The following PABPC4L variants were observed in gnomAD, a reference collection of about 807,000 sequenced individuals.
The protein encoded by PABPC4L is poly(A) binding protein cytoplasmic 4 like.
For synonymous variants in PABPC4L, 169 were observed against 164.1 expected, an observed-to-expected ratio of 1.03 and a Z score of -0.23; for missense variants, 452 against 451.4, an observed-to-expected ratio of 1.00 and a Z score of -0.01.
downstream of PABPC4L, among the ~76,000 whole-genome samples, chr4:134,192,695 CACT>C (rs563384035): frequency 6.4e-4 from 98 of 152,088 alleles, no homozygotes; most frequent in African/African-American, 2.3e-3. Flanking sequence ...ACAATAAGTA[CACT>C]ACTACTAAAC....
the PABPC4L span, among the ~76,000 whole-genome samples, chr4:134,053,651 T>C: frequency 6.6e-6 from 1 of 152,092 alleles, no homozygotes; most frequent in Non-Finnish European, 1.5e-5. Flanking sequence ...ACCCTTTTCC[T>C]AAGGATATGA....
the PABPC4L span, among the ~76,000 whole-genome samples, chr4:134,049,047 T>G: frequency 6.6e-6 from 1 of 152,026 alleles, no homozygotes; most frequent in African/African-American, 2.4e-5. Flanking sequence ...TAGAAAAGAT[T>G]GAAGGAAGAA....
At chr4:134,078,264 C>G in the PABPC4L span, among the ~76,000 whole-genome samples, 1 of 152,158 alleles carries the variant, frequency 6.6e-6, no homozygotes, top group South Asian at 2.1e-4. Context: ...ATTCCCTGAA[C>G]TTTTCCATAA....
the PABPC4L span, among the ~76,000 whole-genome samples, chr4:134,127,894 TA>T: frequency 6.6e-6 from 1 of 151,126 alleles, no homozygotes; most frequent in Admixed American, 6.6e-5. Context: ...CTTAAAGAAA[TA>T]AAAAAAGAAG....
At chr4:134,127,788 C>T in the PABPC4L span, among the ~76,000 whole-genome samples, 1 of 152,104 alleles carries the variant, frequency 6.6e-6, no homozygotes, top group Non-Finnish European at 1.5e-5. Flanking sequence ...AGCTATTGAT[C>T]CAAACCAAGA....
the PABPC4L span, among the ~76,000 whole-genome samples, chr4:134,079,103 C>A: frequency 2.0e-5 from 3 of 150,328 alleles, no homozygotes; most frequent in South Asian, 6.3e-4. Flanking sequence ...TCCAAAGTAG[C>A]TGGGACTACA....
the PABPC4L span, among the ~76,000 whole-genome samples, chr4:134,121,885 G>A: frequency 1.3e-5 from 2 of 151,772 alleles, no homozygotes; most frequent in Admixed American, 6.6e-5. Flanking sequence ...AAAGCACTGT[G>A]TAGCAAATCA....
the PABPC4L span, among the ~76,000 whole-genome samples, chr4:134,181,308 T>C: frequency 6.6e-6 from 1 of 151,870 alleles, no homozygotes; most frequent in Non-Finnish European, 1.5e-5. Flanking sequence ...AGGCTTTCAA[T>C]AAAATTTAAT....
At chr4:134,073,990 A>G in the PABPC4L span, among the ~76,000 whole-genome samples, 1 of 152,244 alleles carries the variant, frequency 6.6e-6, no homozygotes, top group East Asian at 1.9e-4. Context: ...TCTGCTGAGA[A>G]GTTCTCTGAC....
At chr4:133,989,529 T>C in the PABPC4L span, among the ~76,000 whole-genome samples, 1 of 152,316 alleles carries the variant, frequency 6.6e-6, no homozygotes, top group Admixed American at 6.5e-5. Context: ...CATATGACTT[T>C]CAACATTTTG....
At chr4:134,025,665 A>C in the PABPC4L span, among the ~76,000 whole-genome samples, 1 of 152,152 alleles carries the variant, frequency 6.6e-6, no homozygotes, top group African/African-American at 2.4e-5. Flanking sequence ...CAACTAAATA[A>C]ATGTTTTAAA....
the PABPC4L span, among the ~76,000 whole-genome samples, chr4:134,169,555 CAA>C: frequency 1.3e-5 from 2 of 151,674 alleles, no homozygotes; most frequent in Non-Finnish European, 2.9e-5. Flanking sequence ...AAGACTCCAT[CAA>C]AAAAGACTTA....
At chr4:133,953,568 G>C in the PABPC4L span, among the ~76,000 whole-genome samples, 1 of 152,138 alleles carries the variant, frequency 6.6e-6, no homozygotes, top group Non-Finnish European at 1.5e-5. Context: ...GAAACTCAGA[G>C]GGAGTCTCTT....
At chr4:134,157,875 T>C in the PABPC4L span, among the ~76,000 whole-genome samples, 1 of 151,964 alleles carries the variant, frequency 6.6e-6, no homozygotes, top group African/African-American at 2.4e-5. Context: ...TACACTAGAA[T>C]TAATATATTT....
At chr4:134,038,283 C>CT in the PABPC4L span, among the ~76,000 whole-genome samples, 24 of 152,028 alleles carry the variant, frequency 1.6e-4, no homozygotes, top group East Asian at 9.7e-4. Flanking sequence ...CTAAAATTTC[C>CT]TTTTTTTGTT....
At chr4:134,073,751 A>C in the PABPC4L span, among the ~76,000 whole-genome samples, 1 of 152,122 alleles carries the variant, frequency 6.6e-6, no homozygotes, top group Non-Finnish European at 1.5e-5. Flanking sequence ...TAAATTCTTC[A>C]CTTCTGTGAG....
At chr4:134,126,519 G>A in the PABPC4L span, among the ~76,000 whole-genome samples, 1 of 152,100 alleles carries the variant, frequency 6.6e-6, no homozygotes, top group East Asian at 1.9e-4. Flanking sequence ...GACCCTGTGG[G>A]ATACTTCGTT....
the PABPC4L span, among the ~76,000 whole-genome samples, chr4:134,074,493 C>G: frequency 1.3e-5 from 2 of 152,142 alleles, no homozygotes; most frequent in Non-Finnish European, 2.9e-5. Flanking sequence ...ATTTTCCTAT[C>G]TTATTTTGAG....
At chr4:134,169,529 T>C in the PABPC4L span, among the ~76,000 whole-genome samples, 1 of 152,044 alleles carries the variant, frequency 6.6e-6, no homozygotes, top group African/African-American at 2.4e-5. Flanking sequence ...TATAATCTTA[T>C]ATTTAGAGAA....
Sources: allele counts gnomAD v4.1 joint callset (sites outside exome capture counted in the v4.1 genomes callset), GRCh38; gene constraint gnomAD v4.1.1; transcripts MANE v1.5; gene names NCBI Gene and HGNC (gene_info 2026-07-23, HGNC 2026-07-21).